The following CNTN4 variants were observed in gnomAD, a reference collection of about 807,000 sequenced individuals.
CNTN4 encodes the protein contactin 4.
In CNTN4, 77 loss-of-function variants were observed where a neutral mutation model predicts 122.5. The ratio of observed to expected loss-of-function variants is 0.63; its 90% CI spans 0.52 to 0.76. The LOEUF is 0.76. Ranked by LOEUF, CNTN4 falls within the 30% of genes least tolerant of loss-of-function variation. The pLI, the probability that CNTN4 is intolerant of heterozygous loss-of-function variation, is 0.00. For synonymous variants in CNTN4, 512 were observed against 447.0 expected, an observed-to-expected ratio of 1.15 and a Z score of -1.83; for missense variants, 1,256 against 1,259.1, an observed-to-expected ratio of 1.00 and a Z score of 0.04.
intron 4 of CNTN4, among the ~76,000 whole-genome samples, chr3:2,695,336 C>G (rs1405238738): frequency 6.6e-6 from 1 of 152,236 alleles, no homozygotes; most frequent in Admixed American, 6.5e-5. Context: ...ATTTCTGTCA[C>G]TGGAGCCTCC....
chr3:3,000,589 C>A (rs1464895954), intron 14 of CNTN4, among the ~76,000 whole-genome samples: 2 of 152,338 alleles, frequency 1.3e-5, no homozygotes, highest in East Asian at 3.9e-4. Context: ...CCAGACTAGA[C>A]ATCTACTCTA....
rs1257311847 is a variant in CNTN4, at chr3:2,534,816, T to C, written c.-88-36600T>C. Among the ~76,000 whole-genome samples the C allele has an allele frequency of 6.4e-5, 3 of 46,814 alleles. 1 individual carries two copies. The highest frequency in any genetic ancestry group is 1.3e-4 in the African/African-American group (2 of 14,836). The allele number at this position is 46,814 out of a possible 152,430, so 30.7% of individuals were successfully genotyped here. On this transcript the variant is annotated intron_variant, in intron 3 of 24. Coordinates refer to ENST00000418658, the MANE Select transcript of CNTN4 (RefSeq NM_175607.3). The stretch of plus-strand genomic sequence containing the variant: ...ACTGGCACACCAAATGAGGGAACAA[T>C]GTATGCTGCTGCTGCTGCTGTTGCT...
rs1453516395 is a variant in CNTN4, at chr3:2,312,091, A to G, written c.-144-27087A>G. Among the ~76,000 whole-genome samples, 5 of 152,112 alleles carry G rather than the reference A, an allele frequency of 3.3e-5. No homozygotes were observed. The East Asian group carries it at 9.7e-4, about 29-fold the overall frequency. On this transcript the variant is annotated intron_variant, in intron 2 of 24. Coordinates refer to ENST00000418658, the MANE Select transcript of CNTN4 (RefSeq NM_175607.3). The stretch of plus-strand genomic sequence containing the variant: ...CACTTTGGGAGGTTAAGGCGGCAGG[A>G]TCACTGAGCCCAGGAGTTCAAGATC...
intron 23 of CNTN4, 117 bp from the exon 24 acceptor site, chr3:3,053,690 A>G: frequency 9.9e-7 from 1 of 1,005,970 alleles, no homozygotes; most frequent in Non-Finnish European, 1.6e-6. Flanking sequence ...GTGGGCAGCC[A>G]GACAACCTCT....
At chr3:2,556,011 C>G (rs1041174481) in intron 3 of CNTN4, among the ~76,000 whole-genome samples, 4 of 152,120 alleles carry the variant, frequency 2.6e-5, no homozygotes, top group African/African-American at 9.7e-5. Flanking sequence ...GACAAGAAAC[C>G]AAGAGCTACG....
intron 3 of CNTN4, among the ~76,000 whole-genome samples, chr3:2,439,689 C>G (rs1036536445): frequency 1.3e-5 from 2 of 151,802 alleles, no homozygotes; most frequent in African/African-American, 4.8e-5. Flanking sequence ...AGGAAGAAGA[C>G]AAGTCTAGTG....
At chr3:2,978,773 T>C (rs1169201830) in intron 13 of CNTN4, among the ~76,000 whole-genome samples, 1 of 151,922 alleles carries the variant, frequency 6.6e-6, no homozygotes, top group Non-Finnish European at 1.5e-5. Flanking sequence ...GCCCCTGGGG[T>C]CAGCAGTCTT....
At chr3:2,155,590 A>G (rs1227165959) in intron 2 of CNTN4, among the ~76,000 whole-genome samples, 1 of 152,220 alleles carries the variant, frequency 6.6e-6, no homozygotes, top group African/African-American at 2.4e-5. Flanking sequence ...TGTTTCAGCT[A>G]TGTCGCCAGT....
chr3:2,464,927 C>G (rs2075443366), intron 3 of CNTN4, among the ~76,000 whole-genome samples: 1 of 152,136 alleles, frequency 6.6e-6, no homozygotes, highest in Admixed American at 6.6e-5. Context: ...AATTTGGATT[C>G]TGGAACAGGT....
chr3:2,702,770 A>G (rs1269697188), intron 4 of CNTN4, among the ~76,000 whole-genome samples: 2 of 151,948 alleles, frequency 1.3e-5, no homozygotes, highest in African/African-American at 2.4e-5. Flanking sequence ...CGTGAACTGT[A>G]TGGAAGGATA....
At chr3:2,985,457 T>G (rs1488517848) in intron 13 of CNTN4, 1 of 152,828 alleles carries the variant, frequency 6.5e-6, no homozygotes, top group Non-Finnish European at 1.5e-5. Flanking sequence ...TTCAGTAGAC[T>G]TTGAAAAACT....
chr3:2,139,935 A>G (rs1237265276), intron 2 of CNTN4, among the ~76,000 whole-genome samples: 1 of 152,182 alleles, frequency 6.6e-6, no homozygotes, highest in East Asian at 1.9e-4. Flanking sequence ...TAATCCCTAT[A>G]ATTCCCACCT....
intron 6 of CNTN4, among the ~76,000 whole-genome samples, chr3:2,779,724 G>A (rs2091491723): frequency 6.6e-6 from 1 of 152,102 alleles, no homozygotes; most frequent in South Asian, 2.1e-4. Context: ...CATCACATGG[G>A]CAATAAACAG....
chr3:2,264,741 T>C (rs546026699), intron 2 of CNTN4, among the ~76,000 whole-genome samples: 1 of 152,272 alleles, frequency 6.6e-6, no homozygotes, highest in Admixed American at 6.5e-5. Flanking sequence ...TCTGGTAGTT[T>C]CATAGTTTCA....
At chr3:2,388,886 A>G (rs1157129601) in intron 3 of CNTN4, among the ~76,000 whole-genome samples, 1 of 151,332 alleles carries the variant, frequency 6.6e-6, no homozygotes, top group African/African-American at 2.4e-5. Flanking sequence ...GGCCAGGCGC[A>G]GTGTCTCACG....
chr3:3,053,309 A>G (rs1701449802), intron 23 of CNTN4, among the ~76,000 whole-genome samples: 1 of 152,200 alleles, frequency 6.6e-6, no homozygotes, highest in Non-Finnish European at 1.5e-5. Context: ...TGCTGACACT[A>G]TAGGCATGGG....
At chr3:2,390,196 A>G (rs149785706) in intron 3 of CNTN4, among the ~76,000 whole-genome samples, 1 of 148,094 alleles carries the variant, frequency 6.8e-6, no homozygotes, top group South Asian at 2.1e-4. Flanking sequence ...ACTTACTGTC[A>G]ATGGGTTTAG....
At chr3:3,021,897 T>C (rs1215124862) in intron 14 of CNTN4, among the ~76,000 whole-genome samples, 30 of 151,986 alleles carry the variant, frequency 2.0e-4, no homozygotes, top group Admixed American at 2.0e-3. Context: ...CTGAGCAGTA[T>C]AGCAAGACCC....
At chr3:2,732,315 G>A (rs140793488) in intron 4 of CNTN4, among the ~76,000 whole-genome samples, 3,328 of 152,212 alleles carry the variant, frequency 0.022, 46 homozygotes, top group Non-Finnish European at 0.035. Context: ...TTCTTCTGGC[G>A]TAGTCAGTCT....
Sources: gnomAD v4.1 joint callset for allele counts (sites outside exome capture counted in the v4.1 genomes callset) on GRCh38, gnomAD v4.1.1 for gene constraint, MANE v1.5 for transcripts, NCBI Gene and HGNC (gene_info 2026-07-23, HGNC 2026-07-21) for gene names.